KDM6A: variants seen among roughly 807,000 people sequenced by gnomAD.
KDM6A encodes lysine demethylase 6A.
Under a neutral mutation model 117.6 loss-of-function variants are expected in KDM6A, and 11 were observed. The ratio of observed to expected loss-of-function variants is 0.09; its 90% CI spans 0.06 to 0.15. The LOEUF is 0.15. Among genes scored for constraint, KDM6A ranks in the 10% least tolerant of loss-of-function variants. The probability of loss-of-function intolerance (pLI) is 1.00; values close to 1 mark genes in which losing one functional copy is unlikely to be tolerated. For missense variants in KDM6A, 799 were observed against 1,077.3 expected, an observed-to-expected ratio of 0.74 and a Z score of 3.62; for synonymous variants, 384 against 396.1, an observed-to-expected ratio of 0.97 and a Z score of 0.36.
At chrX:45,019,391 A>G (rs1410515714) in intron 5 of KDM6A, among the ~76,000 whole-genome samples, 1 of 111,891 alleles carries the variant, frequency 8.9e-6, no homozygotes, top group Non-Finnish European at 1.9e-5. Flanking sequence ...CCTCACTGCC[A>G]TCTGCAATAA....
At position 44,996,477 on chromosome X, in the gene KDM6A, A is replaced by T. The variant is rs183955037; in HGVS notation, c.385-14484A>T. Among the ~76,000 whole-genome samples the T allele has an allele frequency of 3.7e-5, 4 of 108,882 alleles. No individual in the cohort carries two copies. In the East Asian group the frequency reaches 9.1e-4, roughly 25 times the overall value. 94.6% of individuals were successfully genotyped at this position (108,882 alleles called of 115,157 possible). A position where few individuals can be genotyped will look rare whatever the true frequency, so the allele number is the denominator to read the frequency against. On this transcript the variant is annotated intron_variant, in intron 4 of 29. Coordinates refer to ENST00000611820, the MANE Select transcript of KDM6A (RefSeq NM_001291415.2). ...AGCCTTGTCACTTACTAGTTATGAG[A>T]TGACTTCTACAGTCTGATTGCATTA...
intron 2 of KDM6A, among the ~76,000 whole-genome samples, chrX:44,950,572 C>T (rs1398641364): frequency 9.8e-6 from 1 of 101,638 alleles, no homozygotes; most frequent in Admixed American, 1.0e-4. Context: ...TTAATGTATA[C>T]CCTGGGTGTG....
chrX:44,952,151 T>C (rs1422589441), intron 2 of KDM6A, among the ~76,000 whole-genome samples: 1 of 112,000 alleles, frequency 8.9e-6, no homozygotes, highest in Non-Finnish European at 1.9e-5. Flanking sequence ...GTTTCTTGAA[T>C]GTTGAATGAT....
chrX:45,032,428 G>A (rs2042636344), intron 6 of KDM6A, among the ~76,000 whole-genome samples: 2 of 111,813 alleles, frequency 1.8e-5, no homozygotes, highest in African/African-American at 6.5e-5. Context: ...AGTGCTGAAC[G>A]GCATATCAGT....
chrX:45,000,161 A>C (rs2041066544), intron 4 of KDM6A, among the ~76,000 whole-genome samples: 1 of 112,186 alleles, frequency 8.9e-6, no homozygotes, highest in Non-Finnish European at 1.9e-5. Context: ...AGTTGCCCCT[A>C]GTTGTTCAGC....
rs1470903064 is a variant in KDM6A, at chrX:45,089,804, A to G, written c.3766A>G (p.Asn1256Asp). 1 of 1,208,623 alleles carries G rather than the reference A, an allele frequency of 8.3e-7. No homozygotes were observed. Among genetic ancestry groups the G allele is most frequent in the Non-Finnish European group, 1.1e-6 (1 of 892,915 alleles). Residue 1256 changes from asparagine (N) to aspartate (D), a missense_variant, in exon 26 of 30, where the codon AAT becomes GAT. Physicochemically the swap from Asn to Asp is conservative, Grantham distance 23. This residue lies in a region of KDM6A where 291 missense variants were observed against 437.9 expected (regional missense o/e 0.66). Transcript: ENST00000611820. The stretch of plus-strand genomic sequence containing the variant: ...CAATCTTGAAGATCTTTATGAAGCA[A>G]ATGTTCCAGTGTATAGGTTTATTCA... ...WPNLEDLYEA[N>D]VPVYRFIQRP...
intron 4 of KDM6A, among the ~76,000 whole-genome samples, chrX:45,000,869 C>G (rs1333018183): frequency 8.9e-6 from 1 of 112,961 alleles, no homozygotes; most frequent in Non-Finnish European, 1.9e-5. Flanking sequence ...ACCAGGTCAA[C>G]TGGAGGACCA....
At position 45,059,310 on chromosome X, in the gene KDM6A, A is replaced by G. The variant is rs753101387; in HGVS notation, c.1038A>G (p.Gln346=). The part of the protein sequence containing the change: ...DALQAYICAV[Q]LDHGHAAAWM... ...TACAGGCCTATATTTGTGCTGTACA[A>G]TTGGACCATGGCCATGCTGCAGCCT... Residue 346 remains glutamine, a synonymous_variant, in exon 12 of 30, where the codon CAA becomes CAG. Coordinates refer to ENST00000611820, the MANE Select transcript of KDM6A (RefSeq NM_001291415.2). 1.3e-5 allele frequency: 16 copies of G among 1,209,266 alleles called. No homozygotes were observed. Among genetic ancestry groups the G allele is most frequent in the African/African-American group, 3.5e-5 (2 of 56,956 alleles).
chrX:44,997,247 C>G (rs1462717201), intron 4 of KDM6A, among the ~76,000 whole-genome samples: 1 of 112,128 alleles, frequency 8.9e-6, no homozygotes, highest in East Asian at 2.8e-4. Flanking sequence ...CACATGTGGG[C>G]TTGGAGAATT....
At chrX:44,976,568 AATTG>A (rs1269232132) in intron 4 of KDM6A, among the ~76,000 whole-genome samples, 3 of 111,434 alleles carry the variant, frequency 2.7e-5, no homozygotes, top group African/African-American at 9.8e-5. Flanking sequence ...AATGCCATGT[AATTG>A]ATTGCTATAC....
intron 9 of KDM6A, 83 bp downstream of exon 9, chrX:45,051,885 A>G: frequency 5.5e-6 from 3 of 542,510 alleles, no homozygotes; most frequent in Middle Eastern, 5.0e-4. Flanking sequence ...TATGTGGCTC[A>G]TATATTCTAT....
intron 5 of KDM6A, among the ~76,000 whole-genome samples, chrX:45,017,459 A>C (rs1280881174): frequency 9.0e-6 from 1 of 111,087 alleles, no homozygotes; most frequent in Non-Finnish European, 1.9e-5. Context: ...CTTAACTCTA[A>C]ACTCTTAACT....
intron 2 of KDM6A, among the ~76,000 whole-genome samples, chrX:44,934,191 A>G (rs1206000254): frequency 8.9e-6 from 1 of 111,782 alleles, no homozygotes; most frequent in Non-Finnish European, 1.9e-5. Flanking sequence ...GAACTTCCTC[A>G]TAATCCTTCC....
At chrX:44,944,801 C>A (rs916929713) in intron 2 of KDM6A, among the ~76,000 whole-genome samples, 1 of 111,901 alleles carries the variant, frequency 8.9e-6, no homozygotes, top group Admixed American at 9.5e-5. Flanking sequence ...TTACTAGTTA[C>A]AGGAGGGTAT....
intron 27 of KDM6A, among the ~76,000 whole-genome samples, chrX:45,104,474 G>A (rs1403141056): frequency 8.9e-6 from 1 of 111,859 alleles, no homozygotes; most frequent in African/African-American, 3.2e-5. Context: ...ATCAGTCTGG[G>A]GCTAATCAAA....
chrX:44,894,921 C>T (rs2033694046), intron 2 of KDM6A, among the ~76,000 whole-genome samples: 1 of 109,299 alleles, frequency 9.1e-6, no homozygotes, highest in African/African-American at 3.3e-5. Flanking sequence ...CACCCGCCAT[C>T]ATGCCTGGCT....
At chrX:44,893,280 A>T (rs2033539112) in intron 2 of KDM6A, among the ~76,000 whole-genome samples, 1 of 111,405 alleles carries the variant, frequency 9.0e-6, no homozygotes, top group African/African-American at 3.3e-5. Context: ...TGCTATACTG[A>T]GCTTTCCAAT....
chrX:44,881,162 C>T (rs193026492), intron 2 of KDM6A, among the ~76,000 whole-genome samples: 3 of 112,505 alleles, frequency 2.7e-5, no homozygotes, highest in Non-Finnish European at 3.8e-5. Flanking sequence ...GGGCCGGGCG[C>T]GGTGGCGCAT....
chrX:44,883,884 C>T (rs896758173), intron 2 of KDM6A, among the ~76,000 whole-genome samples: 3 of 110,066 alleles, frequency 2.7e-5, no homozygotes, highest in Non-Finnish European at 5.7e-5. Context: ...TGGTGGATCA[C>T]CTGAGGTCGG....
Sources: allele counts gnomAD v4.1 joint callset (sites outside exome capture counted in the v4.1 genomes callset), GRCh38; gene constraint gnomAD v4.1.1; regional missense constraint gnomAD v4.1.1; transcripts MANE v1.5; gene names NCBI Gene and HGNC (gene_info 2026-07-23, HGNC 2026-07-21).